The following PARP3 variants were observed in gnomAD, a reference collection of about 807,000 sequenced individuals.
The protein encoded by PARP3 is poly(ADP-ribose) polymerase family member 3, also known as protein mono-ADP-ribosyltransferase PARP3.
In PARP3, 46 loss-of-function variants were observed where a neutral mutation model predicts 58.2. The ratio of observed to expected loss-of-function variants is 0.79; its 90% CI spans 0.62 to 1.01. The LOEUF (loss-of-function observed/expected upper bound fraction) is 1.01, where lower values mean the gene tolerates loss of function less well. Ranked by LOEUF, PARP3 falls within the 50% of genes least tolerant of loss-of-function variation. The pLI, the probability that PARP3 is intolerant of heterozygous loss-of-function variation, is 0.00. For synonymous variants in PARP3, 252 were observed against 266.4 expected (o/e 0.95, Z 0.53); for missense variants, 663 against 683.9 (o/e 0.97, Z 0.34).
At chr3:51,942,776 T>C in intron 1 of PARP3, 68 bp downstream of exon 1, 1 of 1,541,738 alleles carries the variant, frequency 6.5e-7, no homozygotes, top group Non-Finnish European at 8.8e-7. Context: ...CTTTGCCCTC[T>C]ATCAGTTCAA....
chr3:51,943,443 C>A lies in PARP3; in HGVS notation c.88C>A (p.Arg30Ser). The A allele has an allele frequency of 6.2e-7, 1 of 1,607,578 alleles. No homozygotes were observed. The highest frequency in any genetic ancestry group is 8.5e-7 in the Non-Finnish European group (1 of 1,177,664). ...RQAGREEDPFRSTAEALKAIP... is the reference protein window; with the variant it reads ...RQAGREEDPFSSTAEALKAIP... Reference sequence around the variant, plus strand: ...GGCAGGAAGGGAGGAGGACCCCTTCCGCTCCACCGCTGAGGCCCTCAAGGC... The same window carrying A: ...GGCAGGAAGGGAGGAGGACCCCTTCAGCTCCACCGCTGAGGCCCTCAAGGC... The change falls in exon 2 of 11, where the codon CGC (arginine) becomes AGC (serine). Residue 30 changes from arginine to serine, a missense_variant. Around this residue, in one of 3 missense-constraint regions of PARP3, gnomAD observed 567 missense variants for 553.6 expected, o/e 1.02. Transcript: ENST00000398755.
intron 1 of PARP3, chr3:51,942,977 CAG>C (rs980150197): frequency 1.5e-5 from 21 of 1,406,668 alleles, no homozygotes; most frequent in South Asian, 3.1e-5. Context: ...CTAGCTGACA[CAG>C]GGGGAGGAGC....
Position 51,944,624 on chromosome 3 carries a change from G to T in PARP3, c.501+46G>T, listed in dbSNP as rs4687792. ...GGGCAGGCCCTGGACTGAGGGAGGG[G>T]ACTCGTTGGAGAGTTCCCGCTGGTT... On this transcript the variant is annotated intron_variant, in intron 4 of 10. Coordinates refer to ENST00000398755, the MANE Select transcript of PARP3 (RefSeq NM_001003931.4). This position sits in a 1 kb window ranked among gnomAD's most constrained non-coding sequence, Gnocchi z 4.2. 43 of 1,596,786 alleles carry T rather than the reference G, an allele frequency of 2.7e-5. No homozygotes were observed. Among genetic ancestry groups the T allele is most frequent in the Non-Finnish European group, 3.6e-5 (42 of 1,167,222 alleles).
In PARP3 at chr3:51,947,811, C is replaced by G. The variant is rs1406837294; in HGVS notation, c.1348C>G (p.His450Asp). ...FLGEVALGRE[H>D]HINTDNPSLK... is the part of the protein sequence containing the mutation. Reference sequence around the variant, plus strand: ...GGGTGAGGTGGCCCTGGGCAGAGAGCACCATATCAACACGGACAACCCCAG... The same window carrying G: ...GGGTGAGGTGGCCCTGGGCAGAGAGGACCATATCAACACGGACAACCCCAG... Residue 450 changes from histidine (H) to aspartate (D), a missense_variant, in exon 10 of 11, where the codon CAC becomes GAC. Physicochemically the swap from His to Asp is moderately conservative, Grantham distance 81. Transcript: ENST00000398755. 2 of 1,614,110 alleles carry G rather than the reference C, an allele frequency of 1.2e-6. No homozygotes were observed. Among genetic ancestry groups the G allele is most frequent in the South Asian group, 2.2e-5 (2 of 91,076 alleles).
rs1407304408 is a variant in PARP3, at chr3:51,946,392, G to A, written c.1276+49G>A. 2.0e-6 allele frequency: 3 copies of A among 1,466,714 alleles called. No homozygotes were observed. Among genetic ancestry groups the A allele is most frequent in the Non-Finnish European group, 2.8e-6 (3 of 1,078,300 alleles). 90.9% of individuals were successfully genotyped at this position (1,466,714 alleles called of 1,614,324 possible). A position where few individuals can be genotyped will look rare whatever the true frequency, so the allele number is the denominator to read the frequency against. ...CCCTGGGAGGGTTGGCACTAAGATG[G>A]ATTGGGCCCAGTCCTTGGCCACTGG... is the stretch of plus-strand genomic sequence containing the variant. On this transcript the variant is annotated intron_variant, in intron 9 of 10. Coordinates refer to ENST00000398755, the MANE Select transcript of PARP3 (RefSeq NM_001003931.4). The surrounding 1 kb of genome is among the most constrained non-coding windows in gnomAD (Gnocchi z 4.6).
Position 51,948,564 on chromosome 3 carries a change from T to C in PARP3, c.*84T>C. 1.7e-6 allele frequency: 2 copies of C among 1,199,766 alleles called. No individual in the cohort carries two copies. The highest frequency in any genetic ancestry group is 2.1e-5 in the Admixed American group (1 of 48,360). 74.3% of individuals were successfully genotyped at this position (1,199,766 alleles called of 1,614,324 possible). On this transcript the variant is annotated 3_prime_UTR_variant, in exon 11 of 11. Transcript: ENST00000398755. ...CCCATCTCTGGTACCCCTATATCAC[T>C]CCTTTTTTTCAAGAATACAATACGT...
At chr3:51,947,967 A>AG in intron 10 of PARP3, 72 bp downstream of exon 10, 1 of 1,412,878 alleles carries the variant, frequency 7.1e-7, no homozygotes, top group Middle Eastern at 1.8e-4. Flanking sequence ...ATTTTCAGGG[A>AG]GGGGGCTGTG....
Position 51,946,171 on chromosome 3 carries a change from C to A in PARP3, c.1104C>A (p.Asp368Glu). Residue 368 changes from aspartate (D) to glutamate (E), a missense_variant, in exon 9 of 11, where the codon GAC (aspartate) becomes GAA (glutamate). Transcript: ENST00000398755. This position sits in a 1 kb window ranked among gnomAD's most constrained non-coding sequence, Gnocchi z 4.6. ...IWKVNQEGEE[D>E]RFQAHSKLGN... ...CTCACTTCCTCTCCACTCAGGAAGA[C>A]AGATTCCAGGCCCACTCCAAACTGG... 6.3e-7 allele frequency: 1 copy of A among 1,594,968 alleles called. No homozygotes were observed.
chr3:51,942,842 T>A, intron 1 of PARP3, 134 bp downstream of exon 1: 1 of 1,461,472 alleles, frequency 6.8e-7, no homozygotes, highest in Admixed American at 2.7e-5. Flanking sequence ...TGGGAAGGGC[T>A]TCTACAGCTC....
chr3:51,944,362 G>T lies in PARP3; in HGVS notation c.313-28G>T, dbSNP rs745472150. ...ACAGGCCAGCAAATGCTGATGGTGG[G>T]CATACCCCTGAAGGCTGTCGGTTGC... On this transcript the variant is annotated intron_variant, in intron 3 of 10. Transcript: ENST00000398755. This position sits in a 1 kb window ranked among gnomAD's most constrained non-coding sequence, Gnocchi z 4.2. The T allele has an allele frequency of 2.5e-6, 4 of 1,612,554 alleles. No individual in the cohort carries two copies. Among genetic ancestry groups the T allele is most frequent in the Admixed American group, 3.3e-5 (2 of 59,970 alleles).
Position 51,946,108 on chromosome 3 carries a change from C to A in PARP3, c.1099-58C>A. ...TAGGCCTTGGTCACAAGCAGCAGGG[C>A]AAGGCGACTGAGTGCTCGGGTGGCA... On this transcript the variant is annotated intron_variant, in intron 8 of 10. Coordinates refer to ENST00000398755, the MANE Select transcript of PARP3 (RefSeq NM_001003931.4). The surrounding 1 kb of genome is among the most constrained non-coding windows in gnomAD (Gnocchi z 4.6). 6.7e-7 allele frequency: 1 copy of A among 1,500,324 alleles called. No individual in the cohort carries two copies. The highest frequency in any genetic ancestry group is 9.1e-7 in the Non-Finnish European group (1 of 1,094,588). The allele number at this position is 1,500,324 out of a possible 1,614,324, so 92.9% of individuals were successfully genotyped here.
At position 51,946,302 on chromosome 3, in the gene PARP3, G is replaced by T. The variant is rs371906755; in HGVS notation, c.1235G>T (p.Gly412Val). 6.2e-7 allele frequency: 1 copy of T among 1,613,350 alleles called. No homozygotes were observed. The highest frequency in any genetic ancestry group is 1.3e-5 in the African/African-American group (1 of 75,044). ...CATTCTGGTGGGCGTGTTGGCAAGGGCATCTACTTTGCCTCAGAGAACAGC... is the reference window on the plus strand; with the variant it reads ...CATTCTGGTGGGCGTGTTGGCAAGGTCATCTACTTTGCCTCAGAGAACAGC... ...MPHSGGRVGK[G>V]IYFASENSKS... is the part of the protein sequence containing the mutation. The change falls in exon 9 of 11, where the codon GGC (glycine) becomes GTC (valine). Residue 412 changes from glycine to valine, a missense_variant. Physicochemically the swap from Gly to Val is moderately radical, Grantham distance 109 (BLOSUM62 -3). Around this residue, in one of 3 missense-constraint regions of PARP3, gnomAD observed 567 missense variants for 553.6 expected, o/e 1.02. Coordinates refer to ENST00000398755, the MANE Select transcript of PARP3 (RefSeq NM_001003931.4). This position sits in a 1 kb window ranked among gnomAD's most constrained non-coding sequence, Gnocchi z 4.6.
intron 6 of PARP3, 133 bp from the exon 7 acceptor site, chr3:51,945,362 G>A: frequency 7.3e-7 from 1 of 1,376,232 alleles, no homozygotes; most frequent in Non-Finnish European, 1.0e-6. Flanking sequence ...GGGGAAGGCT[G>A]GGCAGACAGA....
rs371898670 is a variant in PARP3, at chr3:51,947,726, C to T, written c.1277-14C>T. On this transcript the variant is annotated splice_polypyrimidine_tract_variant and intron_variant, in intron 9 of 10. Transcript: ENST00000398755. Reference sequence around the variant, plus strand: ...AGGCTGAGCTGCCCACCGGTGCCTCCCTGTGTCTTGCAGTTATTGGCATGA... The same window carrying T: ...AGGCTGAGCTGCCCACCGGTGCCTCTCTGTGTCTTGCAGTTATTGGCATGA... 9 of 1,613,760 alleles carry T rather than the reference C, an allele frequency of 5.6e-6. No individual in the cohort carries two copies. In the African/African-American group the frequency reaches 1.1e-4, roughly 19 times the overall value.
chr3:51,944,577 A>G lies in PARP3; in HGVS notation c.500A>G (p.Lys167Arg). Residue 167 changes from lysine to arginine, a missense_variant and splice_region_variant, in exon 4 of 11, where the codon AAG becomes AGG. Lys to Arg is a conservative substitution (Grantham distance 26). This residue lies in a region of PARP3 where 567 missense variants were observed against 553.6 expected (regional missense o/e 1.02). Coordinates refer to ENST00000398755, the MANE Select transcript of PARP3 (RefSeq NM_001003931.4). This position sits in a 1 kb window ranked among gnomAD's most constrained non-coding sequence, Gnocchi z 4.2. ...AEDEAQEAVV[K>R]VDRGPVRTVT... ...GATGAGGCCCAGGAAGCTGTGGTGA[A>G]GGTGAGATGGCCAAGGAAGGTGGGC... 1 of 1,613,936 alleles carries G rather than the reference A, an allele frequency of 6.2e-7. No homozygotes were observed.
In PARP3 at chr3:51,946,339, A is replaced by G; in HGVS notation, c.1272A>G (p.Gly424=). The change falls in exon 9 of 11, where the codon GGA becomes GGG. Residue 424 remains glycine (G), a synonymous_variant. Transcript: ENST00000398755. This position sits in a 1 kb window ranked among gnomAD's most constrained non-coding sequence, Gnocchi z 4.6. ...YFASENSKSA[G]YVIGMKCGAH... The stretch of plus-strand genomic sequence containing the variant: ...CCTCAGAGAACAGCAAGTCAGCTGG[A>G]TATGGTGAGGTGCCCCTCTGGGCCA... 1 of 1,603,690 alleles carries G rather than the reference A, an allele frequency of 6.2e-7. No homozygotes were observed. Among genetic ancestry groups the G allele is most frequent in the Non-Finnish European group, 8.5e-7 (1 of 1,174,420 alleles).
chr3:51,943,288 T>G, intron 1 of PARP3, 66 bp from the exon 2 acceptor site: 1 of 1,440,150 alleles, frequency 6.9e-7, no homozygotes, highest in Non-Finnish European at 9.3e-7. Context: ...GGGTGGGGAC[T>G]GAGAGTGGGT....
chr3:51,945,186 T>A lies in PARP3; in HGVS notation c.823T>A (p.Ser275Thr). The A allele has an allele frequency of 6.2e-7, 1 of 1,613,842 alleles. No homozygotes were observed. Among genetic ancestry groups the A allele is most frequent in the Non-Finnish European group, 8.5e-7 (1 of 1,179,998 alleles). The change falls in exon 6 of 11, where the codon TCC becomes ACC. Residue 275 changes from serine (S) to threonine (T), a missense_variant. Physicochemically the swap from Ser to Thr is moderately conservative, Grantham distance 58 (BLOSUM62 1). Around this residue, in one of 3 missense-constraint regions of PARP3, gnomAD observed 567 missense variants for 553.6 expected, o/e 1.02. Transcript: ENST00000398755. ...CCACAGCCAGCCCCCGCCCATCAAT[T>A]CCCCTGAGCTTCTGCAGGCCAAGAA... is the stretch of plus-strand genomic sequence containing the variant. ...FGHSQPPPIN[S>T]PELLQAKKDM...
In PARP3 at chr3:51,948,469, G is replaced by T. The variant is rs1699732260; in HGVS notation, c.1591G>T (p.Val531Phe). 2.5e-6 allele frequency: 4 copies of T among 1,613,988 alleles called. No individual in the cohort carries two copies. Among genetic ancestry groups the T allele is most frequent in the Non-Finnish European group, 3.4e-6 (4 of 1,179,904 alleles). ...SQCRLRYLLE[V>F]HL ...GTGTCGCCTGCGCTACCTGCTGGAG[G>T]TCCACCTCTGAGTGCCCGCCCTGTC... The change falls in exon 11 of 11, where the codon GTC becomes TTC. Residue 531 changes from valine (V) to phenylalanine (F), a missense_variant. Coordinates refer to ENST00000398755, the MANE Select transcript of PARP3 (RefSeq NM_001003931.4).
Sources: gnomAD v4.1 joint callset for allele counts on GRCh38, gnomAD v4.1.1 for gene constraint, gnomAD v4.1.1 regional missense constraint, Gnocchi (gnomAD v3.1) non-coding constraint, MANE v1.5 for transcripts, NCBI Gene and HGNC (gene_info 2026-07-23, HGNC 2026-07-21) for gene names.